Variants in CSMD1 observed in about 807,000 individuals in gnomAD.
CSMD1 encodes CUB and Sushi multiple domains 1.
A neutral mutation model predicts 417.5 loss-of-function variants in CSMD1; 213 were observed. That is an observed-to-expected ratio of 0.51 (90% confidence interval 0.46 to 0.57). CSMD1 has a LOEUF of 0.57. Among genes scored for constraint, CSMD1 ranks in the 20% least tolerant of loss-of-function variants. CSMD1 has a pLI of 0.00. For synonymous variants in CSMD1, 2,862 were observed against 1,736.8 expected (o/e 1.65, Z -16.11); for missense variants, 6,923 against 4,529.7 (o/e 1.53, Z -15.17).
chr8:4,880,569 T>C (rs1467223019), intron 1 of CSMD1, among the ~76,000 whole-genome samples: 2 of 152,166 alleles, frequency 1.3e-5, no homozygotes, highest in East Asian at 1.9e-4. Context: ...CTTTACTACA[T>C]AGACACACTT....
At chr8:3,317,740 A>G (rs2117457898) in intron 23 of CSMD1, among the ~76,000 whole-genome samples, 1 of 152,326 alleles carries the variant, frequency 6.6e-6, no homozygotes, top group African/African-American at 2.4e-5. Context: ...ACACATTTTA[A>G]CTTTAAAATG....
intron 3 of CSMD1, among the ~76,000 whole-genome samples, chr8:4,108,904 T>A (rs781731096): frequency 2.0e-5 from 3 of 152,174 alleles, no homozygotes; most frequent in African/African-American, 7.2e-5. Context: ...CAGAAATCAT[T>A]TAAAAAACTG....
At chr8:3,303,760 T>C (rs1804595793) in intron 25 of CSMD1, among the ~76,000 whole-genome samples, 2 of 152,194 alleles carry the variant, frequency 1.3e-5, no homozygotes, top group East Asian at 3.9e-4. Flanking sequence ...AGCAATGAAA[T>C]ATGCTGGATC....
At chr8:3,681,178 G>C (rs1799643128) in intron 7 of CSMD1, among the ~76,000 whole-genome samples, 1 of 152,202 alleles carries the variant, frequency 6.6e-6, no homozygotes, top group African/African-American at 2.4e-5. Flanking sequence ...AGTGTTGGAA[G>C]TTCTGGCCAG....
At chr8:3,293,158 C>T (rs1167486213) in intron 25 of CSMD1, among the ~76,000 whole-genome samples, 1 of 152,058 alleles carries the variant, frequency 6.6e-6, no homozygotes, top group Non-Finnish European at 1.5e-5. Context: ...ATTGCCCCCA[C>T]TCTCTTCTGG....
intron 1 of CSMD1, among the ~76,000 whole-genome samples, chr8:4,817,819 G>A (rs1462055069): frequency 3.3e-5 from 5 of 152,194 alleles, no homozygotes; most frequent in South Asian, 2.1e-4. Flanking sequence ...AGTGCAGGGA[G>A]CTTGTAACTA....
intron 5 of CSMD1, among the ~76,000 whole-genome samples, chr8:3,795,165 C>A (rs62641359): frequency 3.5e-5 from 2 of 56,900 alleles, no homozygotes; most frequent in African/African-American, 1.3e-4. Context: ...GCTATAGATA[C>A]CTATCATGTA....
chr8:4,672,423 T>C (rs1904119), intron 1 of CSMD1, among the ~76,000 whole-genome samples: 112,320 of 152,018 alleles, frequency 0.74, 42,301 homozygotes, highest in African/African-American at 0.88. Context: ...CAGAAAATAT[T>C]TGTAGTGTAT....
intron 12 of CSMD1, among the ~76,000 whole-genome samples, chr8:3,412,218 GTTTC>G (rs555674842): frequency 2.0e-5 from 3 of 148,096 alleles, no homozygotes; most frequent in Admixed American, 6.8e-5. Flanking sequence ...ACACACCACT[GTTTC>G]TTTATCCACT....
At chr8:4,755,906 T>C (rs574792607) in intron 1 of CSMD1, among the ~76,000 whole-genome samples, 9 of 152,318 alleles carry the variant, frequency 5.9e-5, no homozygotes, top group South Asian at 4.1e-4. Flanking sequence ...CCTTCAGTTT[T>C]TTCCTTTCCA....
chr8:3,732,822 T>C (rs1371068352), intron 6 of CSMD1, among the ~76,000 whole-genome samples: 1 of 152,194 alleles, frequency 6.6e-6, no homozygotes, highest in African/African-American at 2.4e-5. Flanking sequence ...TCATCTCAGG[T>C]ATTTATCGAG....
At chr8:4,205,713 G>C (rs1357525932) in intron 3 of CSMD1, among the ~76,000 whole-genome samples, 2 of 126,470 alleles carry the variant, frequency 1.6e-5, no homozygotes, top group Non-Finnish European at 3.4e-5. Flanking sequence ...AAATAATAGA[G>C]GTTTATTTCA....
chr8:3,097,173 G>A (rs1299486414), intron 46 of CSMD1, 136 bp from the exon 47 acceptor site: 9 of 608,198 alleles, frequency 1.5e-5, no homozygotes, highest in South Asian at 2.4e-5. Context: ...ATTTAATACC[G>A]AATGCAAACA....
intron 25 of CSMD1, among the ~76,000 whole-genome samples, chr8:3,305,691 CT>C (rs1007198102): frequency 6.6e-5 from 10 of 152,084 alleles, no homozygotes; most frequent in Non-Finnish European, 1.2e-4. Flanking sequence ...CTGTAATATT[CT>C]TTTTCTTGAG....
chr8:3,085,507 C>T (rs577317793), intron 49 of CSMD1, among the ~76,000 whole-genome samples: 2 of 152,334 alleles, frequency 1.3e-5, no homozygotes, highest in African/African-American at 4.8e-5. Context: ...AAAGCCATTG[C>T]CTCTCTGCCA....
At chr8:3,413,133 T>C (rs927129830) in intron 12 of CSMD1, among the ~76,000 whole-genome samples, 6 of 152,232 alleles carry the variant, frequency 3.9e-5, no homozygotes, top group African/African-American at 1.2e-4. Flanking sequence ...TTCATGGAAA[T>C]TACCTGGTAT....
chr8:3,508,023 T>G (rs558972704), intron 10 of CSMD1, among the ~76,000 whole-genome samples: 6 of 152,210 alleles, frequency 3.9e-5, no homozygotes, highest in African/African-American at 1.4e-4. Context: ...TAGATCCCAT[T>G]TGTCAATTTT....
Position 4,895,940 on chromosome 8 carries a change from A to T in CSMD1, c.85+98392T>A, listed in dbSNP as rs528227336. Among the ~76,000 whole-genome samples the T allele has an allele frequency of 1.2e-4, 19 of 152,054 alleles. No individual in the cohort carries two copies. In the East Asian group the frequency reaches 3.7e-3, roughly 29 times the overall value. On this transcript the variant is annotated intron_variant, in intron 1 of 69. Coordinates refer to ENST00000635120, the MANE Select transcript of CSMD1 (RefSeq NM_033225.6). Reference sequence around the variant, plus strand: ...AATTGTTACCAATTATTTTTTTGACATCATCCCTCCATTTTCAGACCTAAT... The same window carrying T: ...AATTGTTACCAATTATTTTTTTGACTTCATCCCTCCATTTTCAGACCTAAT...
Position 3,387,540 on chromosome 8 carries a change from G to C in CSMD1, c.2736C>G (p.Val912=). The change falls in exon 18 of 70, where the codon GTC becomes GTG. Residue 912 remains valine (V), a synonymous_variant. Transcript: ENST00000635120. The stretch of plus-strand genomic sequence containing the variant: ...GGTTCCACTGGTGGTTCCTCTCACA[G>C]ACGAGGGGCTCGTCGTCACTTAGTG... ...GYTLSDDEPL[V]CERNHQWNHA... is the part of the protein sequence containing the mutation. 6.2e-7 allele frequency: 1 copy of C among 1,602,626 alleles called. No homozygotes were observed. Among genetic ancestry groups the C allele is most frequent in the Non-Finnish European group, 8.5e-7 (1 of 1,174,542 alleles).
Sources: allele counts gnomAD v4.1 joint callset (sites outside exome capture counted in the v4.1 genomes callset), GRCh38; gene constraint gnomAD v4.1.1; transcripts MANE v1.5; gene names NCBI Gene and HGNC (gene_info 2026-07-23, HGNC 2026-07-21).